Variants in KIR2DL4 observed in about 807,000 individuals in gnomAD.
KIR2DL4 encodes the protein killer cell immunoglobulin like receptor, two Ig domains and long cytoplasmic tail 4, also known as killer cell immunoglobulin-like receptor 2DL4.
Under a neutral mutation model 31.0 loss-of-function variants are expected in KIR2DL4, and 41 were observed. That is an observed-to-expected ratio of 1.32 (90% confidence interval 1.03 to 1.72). KIR2DL4 has a LOEUF of 1.72. Ranked by LOEUF, KIR2DL4 falls within the 40% of genes most tolerant of loss-of-function variation. The pLI, the probability that KIR2DL4 is intolerant of heterozygous loss-of-function variation, is 0.00. For synonymous variants in KIR2DL4, 164 were observed against 133.6 expected, an observed-to-expected ratio of 1.23 and a Z score of -1.57; for missense variants, 438 against 353.7, an observed-to-expected ratio of 1.24 and a Z score of -1.91.
chr19:54,813,697 T>C (rs774287963), exon 7 of KIR2DL4: 1 of 1,611,992 alleles, frequency 6.2e-7, no homozygotes, highest in Non-Finnish European at 8.5e-7. Flanking sequence ...CAGATGCTGC[T>C]GTAATGAACC....
At chr19:54,814,508 T>C (rs1462077995) in exon 8 of KIR2DL4, 3 of 244,626 alleles carry the variant, frequency 1.2e-5, no homozygotes, top group Non-Finnish European at 2.4e-5. Context: ...AATAAACATG[T>C]CTGCCTTCAT....
chr19:54,809,649 C>A (rs2060737634), intron 5 of KIR2DL4, among the ~76,000 whole-genome samples: 1 of 151,262 alleles, frequency 6.6e-6, no homozygotes, highest in Non-Finnish European at 1.5e-5. Flanking sequence ...CCCCGTCTTC[C>A]TCCCTCAAAG....
chr19:54,813,292 G>T (rs774093859), intron 6 of KIR2DL4: 10 of 1,592,848 alleles, frequency 6.3e-6, no homozygotes, highest in Non-Finnish European at 6.8e-6. Context: ...ATGGGAGCAC[G>T]CAGGTGTGTG....
In KIR2DL4 at chr19:54,806,249, G is replaced by A. The variant is rs2060523106; in HGVS notation, c.655+5G>A. ...CACTGCCTGTTTCTGTCACAGGTGAGGAAAGCCAATGTCTGTCCCATGTCC... is the reference window on the plus strand; with the variant it reads ...CACTGCCTGTTTCTGTCACAGGTGAAGAAAGCCAATGTCTGTCCCATGTCC... On this transcript the variant is annotated splice_donor_5th_base_variant and intron_variant, in intron 4 of 7. Coordinates refer to ENST00000359085, the Ensembl canonical transcript of KIR2DL4. 1 of 1,608,332 alleles carries A rather than the reference G, an allele frequency of 6.2e-7. No individual in the cohort carries two copies. Among genetic ancestry groups the A allele is most frequent in the Admixed American group, 1.7e-5 (1 of 59,804 alleles).
chr19:54,805,156 T>A, intron 3 of KIR2DL4, 79 bp downstream of exon 3: 1 of 1,376,388 alleles, frequency 7.3e-7, no homozygotes, highest in Non-Finnish European at 9.8e-7. Context: ...TCCACCAGAG[T>A]CCGATCATCC....
chr19:54,809,173 T>G (rs1210573339), intron 5 of KIR2DL4, among the ~76,000 whole-genome samples: 6 of 150,810 alleles, frequency 4.0e-5, no homozygotes, highest in African/African-American at 1.5e-4. Context: ...CATTCCTAAC[T>G]GGGAGGACAA....
At chr19:54,814,110 G>A in exon 8 of KIR2DL4, 4 of 1,610,358 alleles carry the variant, frequency 2.5e-6, no homozygotes, top group Middle Eastern at 1.7e-4. Flanking sequence ...GCTGGAATCT[G>A]AAGGCGTGAG....
At position 54,811,375 on chromosome 19, in the gene KIR2DL4, G is replaced by C. The variant is rs1193696539; in HGVS notation, c.707-1750G>C. On this transcript the variant is annotated intron_variant, in intron 5 of 7. Coordinates refer to ENST00000359085, the Ensembl canonical transcript of KIR2DL4. ...ATCGCGTCATTGCACTGCACCCTAGGTGACAGAGTGAGACTCCATGGCAAA... is the reference window on the plus strand; with the variant it reads ...ATCGCGTCATTGCACTGCACCCTAGCTGACAGAGTGAGACTCCATGGCAAA... 1.6e-4 allele frequency among the ~76,000 whole-genome samples: 24 copies of C among 151,330 alleles called. 1 individual carries two copies. In the South Asian group the frequency reaches 5.1e-3, roughly 32 times the overall value.
chr19:54,803,628 C>T (rs1464936898), exon 1 of KIR2DL4: 8 of 1,612,112 alleles, frequency 5.0e-6, no homozygotes, highest in South Asian at 3.3e-5. Context: ...CGAGTCACTG[C>T]GTCCTGGCAG....
rs2060984502 is a variant in KIR2DL4, at chr19:54,813,277, G to C, written c.810+49G>C. ...AGAGAACTCAGGGCCCTGTGCGGAAGCAGGATGGGAGCACGCAGGTGTGTG... is the reference window on the plus strand; with the variant it reads ...AGAGAACTCAGGGCCCTGTGCGGAACCAGGATGGGAGCACGCAGGTGTGTG... On this transcript the variant is annotated intron_variant, in intron 6 of 7. Coordinates refer to ENST00000359085, the Ensembl canonical transcript of KIR2DL4. The C allele has an allele frequency of 2.5e-6, 4 of 1,598,674 alleles. No homozygotes were observed. In the African/African-American group the frequency reaches 5.6e-5, roughly 22 times the overall value.
At chr19:54,814,001 T>C (rs961279821) in exon 8 of KIR2DL4, 7 of 1,612,250 alleles carry the variant, frequency 4.3e-6, no homozygotes, top group Non-Finnish European at 5.9e-6. Flanking sequence ...CAGAGCGTTG[T>C]CTCCTGCCCA....
chr19:54,805,689 A>T (rs1390171943), intron 3 of KIR2DL4, among the ~76,000 whole-genome samples: 7 of 151,190 alleles, frequency 4.6e-5, no homozygotes, highest in African/African-American at 1.7e-4. Context: ...CAGGAAACCA[A>T]CACAGGAACC....
At chr19:54,804,349 C>A (rs1051257488) in intron 2 of KIR2DL4, among the ~76,000 whole-genome samples, 5 of 151,172 alleles carry the variant, frequency 3.3e-5, no homozygotes, top group Non-Finnish European at 7.4e-5. Flanking sequence ...TAACTCACAC[C>A]CTCCAGCGTT....
intron 4 of KIR2DL4, 126 bp from the exon 5 acceptor site, chr19:54,808,707 A>G (rs2060674194): frequency 5.1e-6 from 4 of 780,268 alleles, no homozygotes; most frequent in Non-Finnish European, 9.2e-6. Flanking sequence ...GGAGAATGGG[A>G]TGCCAGGACT....
intron 6 of KIR2DL4, chr19:54,813,242 A>G: frequency 6.3e-7 from 1 of 1,594,962 alleles, no homozygotes; most frequent in East Asian, 2.3e-5. Context: ...AGCCTCACGA[A>G]GCAGAGGCCA....
At chr19:54,813,960 G>A (rs777767525) in exon 8 of KIR2DL4, 11 of 1,611,828 alleles carry the variant, frequency 6.8e-6, no homozygotes, top group Non-Finnish European at 9.3e-6. Flanking sequence ...ACAGATACCA[G>A]CGTGTGTATA....
At chr19:54,803,858 A>G in intron 1 of KIR2DL4, 33 bp from the exon 2 acceptor site, 1 of 1,602,398 alleles carries the variant, frequency 6.2e-7, no homozygotes, top group Non-Finnish European at 8.5e-7. Context: ...GTTGCTGCCG[A>G]GATGAATAGT....
chr19:54,805,150 C>T (rs1260551128), intron 3 of KIR2DL4, 73 bp downstream of exon 3: 12 of 1,432,690 alleles, frequency 8.4e-6, no homozygotes, highest in East Asian at 4.6e-5. Flanking sequence ...GGGGTGTCCA[C>T]CAGAGTCCGA....
chr19:54,811,077 G>A (rs2060839417), intron 5 of KIR2DL4, among the ~76,000 whole-genome samples: 2 of 151,330 alleles, frequency 1.3e-5, no homozygotes, highest in Non-Finnish European at 1.5e-5. Flanking sequence ...TACATGAGGG[G>A]TGGTGCAAAG....
Sources: allele counts gnomAD v4.1 joint callset (sites outside exome capture counted in the v4.1 genomes callset), GRCh38; gene constraint gnomAD v4.1.1; transcripts MANE v1.5; gene names NCBI Gene and HGNC (gene_info 2026-07-23, HGNC 2026-07-21).